The following ANO7 variants were observed in gnomAD, a reference collection of about 807,000 sequenced individuals.
The protein encoded by ANO7 is anoctamin 7, also known as anoctamin-7.
A neutral mutation model predicts 115.8 loss-of-function variants in ANO7; 114 were observed. The observed-to-expected ratio is 0.98, with a 90% CI of 0.85 to 1.15. The LOEUF (loss-of-function observed/expected upper bound fraction) is 1.15, where lower values mean the gene tolerates loss of function less well. ANO7 is among the 50% of genes most tolerant of loss of function. The pLI is 0.00. For synonymous variants in ANO7, 550 were observed against 498.2 expected, an observed-to-expected ratio of 1.10 and a Z score of -1.38; for missense variants, 1,302 against 1,201.2, an observed-to-expected ratio of 1.08 and a Z score of -1.24.
chr2:241,199,216 A>G, intron 4 of ANO7, 100 bp from the exon 5 acceptor site: 1 of 1,037,182 alleles, frequency 9.6e-7, no homozygotes, highest in South Asian at 1.3e-5. Flanking sequence ...CCACGGCTAC[A>G]GAAATGCCAG....
Position 241,207,821 on chromosome 2 carries a change from G to A in ANO7, c.1077+151G>A, listed in dbSNP as rs1291789255. The A allele has an allele frequency of 5.7e-6, 4 of 704,032 alleles. No individual in the cohort carries two copies. The East Asian group carries it at 1.1e-4, about 19-fold the overall frequency. 43.6% of individuals were successfully genotyped at this position (704,032 alleles called of 1,614,324 possible). A position where few individuals can be genotyped will look rare whatever the true frequency, so the allele number is the denominator to read the frequency against. On this transcript the variant is annotated intron_variant, in intron 11 of 24. Transcript: ENST00000674324. ...ACGCTCCATGAGCTCCTTAACCTTT[G>A]TTCTCTTGCCTGGAACTGGGGTTAC...
intron 21 of ANO7, 132 bp from the exon 22 acceptor site, chr2:241,223,054 G>C (rs1254602041): frequency 8.8e-6 from 7 of 794,364 alleles, no homozygotes; most frequent in African/African-American, 1.7e-5. Flanking sequence ...CACCCTCGAT[G>C]AAGAGCCAGG....
chr2:241,212,766 C>G (rs562311414), intron 17 of ANO7, 140 bp downstream of exon 17: 1 of 937,004 alleles, frequency 1.1e-6, no homozygotes, highest in Admixed American at 2.4e-5. Context: ...AGCTGTGCAG[C>G]TGACCACTCA....
chr2:241,191,245 C>T lies in ANO7; in HGVS notation c.160C>T (p.Arg54Trp), dbSNP rs138809031. ...ACRAGSPAKPRIADFVLVWEE... is the reference protein window; with the variant it reads ...ACRAGSPAKPWIADFVLVWEE... ...CAGAGCTGGGAGTCCTGCCAAGCCC[C>T]GGATCGGTGAGCCCCTCCCAGCACC... Residue 54 changes from arginine (R) to tryptophan (W), a missense_variant, in exon 3 of 25, where the codon CGG becomes TGG. Arg to Trp is a moderately radical substitution (Grantham distance 101, BLOSUM62 -3). Coordinates refer to ENST00000674324, the MANE Select transcript of ANO7 (RefSeq NM_001370694.2). The T allele has an allele frequency of 1.6e-4, 265 of 1,613,688 alleles. No individual in the cohort carries two copies. Among genetic ancestry groups the T allele is most frequent in the Non-Finnish European group, 2.1e-4 (248 of 1,179,934 alleles).
intron 21 of ANO7, among the ~76,000 whole-genome samples, chr2:241,219,939 CTG>C: frequency 6.6e-6 from 1 of 152,270 alleles, no homozygotes; most frequent in East Asian, 1.9e-4. Context: ...TTTCCTCTCT[CTG>C]TGTATGACTA....
intron 13 of ANO7, 122 bp downstream of exon 13, chr2:241,209,757 T>A: frequency 2.2e-6 from 3 of 1,354,884 alleles, no homozygotes; most frequent in Non-Finnish European, 2.9e-6. Context: ...GAACCCTCAC[T>A]CCCCGCAGAG....
In ANO7 at chr2:241,195,839, A is replaced by G; in HGVS notation, c.303A>G (p.Val101=). 6.2e-7 allele frequency: 1 copy of G among 1,614,230 alleles called. No homozygotes were observed. Among genetic ancestry groups the G allele is most frequent in the Admixed American group, 1.7e-5 (1 of 60,030 alleles). Residue 101 remains valine, a synonymous_variant, in exon 4 of 25, where the codon GTA becomes GTG. Coordinates refer to ENST00000674324, the MANE Select transcript of ANO7 (RefSeq NM_001370694.2). Reference sequence around the variant, plus strand: ...ATCTTCGTGCGGCTGGGCTGTGTGTAGACCAGGTACGTGGAGGCTGTCATG... The same window carrying G: ...ATCTTCGTGCGGCTGGGCTGTGTGTGGACCAGGTACGTGGAGGCTGTCATG... The part of the protein sequence containing the change: ...LDNLRAAGLC[V]DQQDVQDGNT...
rs1007533018 is a variant in ANO7 at position 241,225,829 on chromosome 2, G to A, written c.*1676G>A. Among the ~76,000 whole-genome samples the A allele has an allele frequency of 3.9e-5, 6 of 152,184 alleles. No homozygotes were observed. The highest frequency in any genetic ancestry group is 1.2e-4 in the African/African-American group (5 of 41,442). ...CCGGAGCATGGCGGACAGCACACACGGCCCGGGGCGGGAACCTTGGAAACT... is the reference window on the plus strand; with the variant it reads ...CCGGAGCATGGCGGACAGCACACACAGCCCGGGGCGGGAACCTTGGAAACT... On this transcript the variant is annotated 3_prime_UTR_variant, in exon 25 of 25. Transcript: ENST00000674324.
In ANO7 at chr2:241,224,697, A is replaced by G. The variant is rs1309930795; in HGVS notation, c.*544A>G. On this transcript the variant is annotated 3_prime_UTR_variant, in exon 25 of 25. Transcript: ENST00000674324. ...CCCAGGCCACAGCAAAGGTCTGTTG[A>G]ACCCCTCCCTCCATTCCCAGTTATC... The G allele has an allele frequency of 1.3e-5, 2 of 153,704 alleles. No individual in the cohort carries two copies. Among genetic ancestry groups the G allele is most frequent in the Non-Finnish European group, 2.9e-5 (2 of 69,202 alleles). 9.5% of individuals were successfully genotyped at this position (153,704 alleles called of 1,614,324 possible). A position where few individuals can be genotyped will look rare whatever the true frequency, so the allele number is the denominator to read the frequency against.
chr2:241,215,652 G>A (rs1334073689), intron 18 of ANO7, among the ~76,000 whole-genome samples: 1 of 152,246 alleles, frequency 6.6e-6, no homozygotes, highest in Non-Finnish European at 1.5e-5. Flanking sequence ...GGGCACGGAT[G>A]AGTGACAGTG....
chr2:241,215,016 C>T (rs903240540), intron 18 of ANO7, 114 bp downstream of exon 18: 4 of 999,864 alleles, frequency 4.0e-6, no homozygotes, highest in South Asian at 1.6e-5. Context: ...AGGGAAGGCA[C>T]CTTGCCTGGG....
chr2:241,213,703 TG>T (rs1222363162), intron 17 of ANO7, among the ~76,000 whole-genome samples: 1 of 152,240 alleles, frequency 6.6e-6, no homozygotes, highest in Non-Finnish European at 1.5e-5. Context: ...GCCTCTGGGC[TG>T]GGCTGGGACC....
chr2:241,234,426 A>C, the ANO7 span, among the ~76,000 whole-genome samples: 1 of 152,208 alleles, frequency 6.6e-6, no homozygotes, highest in African/African-American at 2.4e-5. Context: ...TGGCTGCAGG[A>C]GACAACCCAG....
At chr2:241,235,343 G>T in the ANO7 span, 4 of 1,566,094 alleles carry the variant, frequency 2.6e-6, no homozygotes. Context: ...GTGGTGAGAG[G>T]GAAGGCCACC....
At chr2:241,191,367 C>A in intron 3 of ANO7, 116 bp downstream of exon 3, 1 of 1,316,134 alleles carries the variant, frequency 7.6e-7, no homozygotes, top group Non-Finnish European at 1.1e-6. Flanking sequence ...CACTCTGGGG[C>A]CAGTTGCTTG....
At chr2:241,201,384 C>T in intron 7 of ANO7, 29 bp downstream of exon 7, 2 of 1,606,086 alleles carry the variant, frequency 1.2e-6, no homozygotes, top group Non-Finnish European at 1.7e-6. Flanking sequence ...CCGCGGGCCC[C>T]AAACCCTGAC....
At chr2:241,233,808 C>T in the ANO7 span, 30 of 1,614,020 alleles carry the variant, frequency 1.9e-5, no homozygotes, top group East Asian at 6.7e-5. The surrounding 1 kb of genome is among the most constrained non-coding windows in gnomAD (Gnocchi z 4.3). Flanking sequence ...ACGCTCCAAC[C>T]GAGGCTCTCA....
At chr2:241,236,878 G>C in the ANO7 span, 927 of 1,179,732 alleles carry the variant, frequency 7.9e-4, 22 homozygotes, top group East Asian at 0.022. Flanking sequence ...GGTGGTAAAA[G>C]GGAGGGAAAA....
At chr2:241,236,302 G>A in the ANO7 span, 142 of 376,614 alleles carry the variant, frequency 3.8e-4, no homozygotes, top group Middle Eastern at 2.2e-3. Context: ...GCAACTGGAG[G>A]TCACATTCAT....
Sources: gnomAD v4.1 joint callset for allele counts (sites outside exome capture counted in the v4.1 genomes callset) on GRCh38, gnomAD v4.1.1 for gene constraint, Gnocchi (gnomAD v3.1) non-coding constraint, MANE v1.5 for transcripts, NCBI Gene and HGNC (gene_info 2026-07-23, HGNC 2026-07-21) for gene names.